The following SYT1 variants were observed in gnomAD, a reference collection of about 807,000 sequenced individuals.
SYT1 encodes synaptotagmin 1.
Under a neutral mutation model 44.8 loss-of-function variants are expected in SYT1, and 8 were observed. The observed-to-expected ratio is 0.18, with a 90% CI of 0.10 to 0.32. The LOEUF (loss-of-function observed/expected upper bound fraction) is 0.32, where lower values mean the gene tolerates loss of function less well. Ranked by LOEUF, SYT1 falls within the 10% of genes least tolerant of loss-of-function variation. The pLI is 1.00. For missense variants in SYT1, 286 were observed against 509.3 expected (o/e 0.56, Z 4.22); for synonymous variants, 154 against 188.8 (o/e 0.82, Z 1.51).
At chr12:78,928,179 A>G (rs922351925) in intron 1 of SYT1, among the ~76,000 whole-genome samples, 2 of 152,130 alleles carry the variant, frequency 1.3e-5, no homozygotes, top group African/African-American at 4.8e-5. Context: ...ACTTCATTTT[A>G]AAGTACAGTA....
At chr12:78,975,687 A>T (rs1868776773) in intron 1 of SYT1, among the ~76,000 whole-genome samples, 1 of 152,074 alleles carries the variant, frequency 6.6e-6, no homozygotes. Context: ...ATGGTTTTTA[A>T]TCTTTGCTAT....
chr12:78,981,552 T>A (rs1330382485), intron 2 of SYT1, among the ~76,000 whole-genome samples: 1 of 152,178 alleles, frequency 6.6e-6, no homozygotes, highest in Non-Finnish European at 1.5e-5. Context: ...TGCCAACTAA[T>A]GGAGTGAAGG....
At chr12:79,390,644 C>T (rs1884621707) in intron 9 of SYT1, among the ~76,000 whole-genome samples, 2 of 152,198 alleles carry the variant, frequency 1.3e-5, no homozygotes, top group African/African-American at 2.4e-5. Context: ...TCTATGCACA[C>T]ACATATTTCC....
intron 9 of SYT1, among the ~76,000 whole-genome samples, chr12:79,360,067 TC>T (rs2136022074): frequency 6.6e-6 from 1 of 152,302 alleles, no homozygotes; most frequent in East Asian, 1.9e-4. Context: ...AAACAGGTCC[TC>T]CCCGTCCATA....
At position 79,319,489 on chromosome 12, in the gene SYT1, C is replaced by G. The variant is rs149537799; in HGVS notation, c.810+19938C>G. Among the ~76,000 whole-genome samples, 120 of 152,298 alleles carry G rather than the reference C, an allele frequency of 7.9e-4. 1 individual carries two copies. Among genetic ancestry groups the G allele is most frequent in the African/African-American group, 2.7e-3 (114 of 41,570 alleles). On this transcript the variant is annotated intron_variant, in intron 8 of 10. Transcript: ENST00000261205. Reference sequence around the variant, plus strand: ...TCTTATCCATCATGTTAAATTTACTCTAACTTAGAAATAGGTCACAGGGCC... The same window carrying G: ...TCTTATCCATCATGTTAAATTTACTGTAACTTAGAAATAGGTCACAGGGCC...
chr12:78,934,425 T>C (rs1443562699), intron 1 of SYT1, among the ~76,000 whole-genome samples: 2 of 151,968 alleles, frequency 1.3e-5, no homozygotes, highest in East Asian at 3.9e-4. Flanking sequence ...TAGTCTCAGC[T>C]ACCCAGGAAG....
intron 2 of SYT1, among the ~76,000 whole-genome samples, chr12:78,987,678 G>A (rs958095825): frequency 2.6e-5 from 4 of 151,586 alleles, no homozygotes; most frequent in Non-Finnish European, 5.9e-5. Context: ...TTTACATTAG[G>A]GATATATAAA....
At chr12:79,229,402 A>G (rs2138610390) in intron 4 of SYT1, among the ~76,000 whole-genome samples, 1 of 152,200 alleles carries the variant, frequency 6.6e-6, no homozygotes, top group Non-Finnish European at 1.5e-5. Flanking sequence ...AGTATTACAT[A>G]GATACTTAAA....
At chr12:79,426,885 C>T (rs1869482813) in intron 9 of SYT1, among the ~76,000 whole-genome samples, 1 of 152,122 alleles carries the variant, frequency 6.6e-6, no homozygotes, top group Non-Finnish European at 1.5e-5. Context: ...GGAGTTTCCC[C>T]CATGCTGTCC....
intron 4 of SYT1, among the ~76,000 whole-genome samples, chr12:79,283,711 A>T (rs1186490321): frequency 6.6e-6 from 1 of 152,162 alleles, no homozygotes; most frequent in East Asian, 1.9e-4. Flanking sequence ...ATCATTGGTT[A>T]CATAAAATAA....
At chr12:79,291,723 C>A in intron 5 of SYT1, 1 of 509,874 alleles carries the variant, frequency 2.0e-6, no homozygotes, top group Non-Finnish European at 3.8e-6. Context: ...AATACAACAC[C>A]AAGTTGACAC....
intron 2 of SYT1, among the ~76,000 whole-genome samples, chr12:79,035,466 T>G (rs925464243): frequency 6.6e-6 from 1 of 151,766 alleles, no homozygotes; most frequent in African/African-American, 2.4e-5. Context: ...ATTATGTATC[T>G]GTTTTATCTC....
intron 3 of SYT1, among the ~76,000 whole-genome samples, chr12:79,116,553 G>A (rs896743720): frequency 3.3e-5 from 5 of 152,152 alleles, no homozygotes; most frequent in East Asian, 1.9e-4. Flanking sequence ...CATGCCCAAC[G>A]TGGGTGAACT....
At chr12:78,992,288 A>T (rs1463486788) in intron 2 of SYT1, among the ~76,000 whole-genome samples, 1 of 152,218 alleles carries the variant, frequency 6.6e-6, no homozygotes, top group East Asian at 1.9e-4. Flanking sequence ...GAGTCCTCAA[A>T]ACATTATCTC....
At chr12:78,922,284 A>C (rs533532728) in intron 1 of SYT1, among the ~76,000 whole-genome samples, 2 of 152,064 alleles carry the variant, frequency 1.3e-5, no homozygotes, top group South Asian at 4.1e-4. Flanking sequence ...CTCAATAAAT[A>C]TACAATGAAT....
intron 3 of SYT1, among the ~76,000 whole-genome samples, chr12:79,111,392 TAA>T (rs1184359286): frequency 6.6e-6 from 1 of 152,092 alleles, no homozygotes; most frequent in Non-Finnish European, 1.5e-5. Flanking sequence ...ACTTCAGGGC[TAA>T]GTTCTGCAAG....
intron 3 of SYT1, among the ~76,000 whole-genome samples, chr12:79,065,175 T>C (rs930106630): frequency 6.6e-6 from 1 of 151,828 alleles, no homozygotes; most frequent in African/African-American, 2.4e-5. Flanking sequence ...GAGTTTGAGA[T>C]CAGCCTGGGC....
At chr12:79,297,251 T>C (rs1360005908) in intron 7 of SYT1, among the ~76,000 whole-genome samples, 1 of 152,160 alleles carries the variant, frequency 6.6e-6, no homozygotes, top group Admixed American at 6.6e-5. Context: ...GGTTTTTCTG[T>C]ACCTAAGCAG....
chr12:79,393,962 A>G (rs1884771896), intron 9 of SYT1: 1 of 152,190 alleles, frequency 6.6e-6, no homozygotes, highest in Non-Finnish European at 1.5e-5. Flanking sequence ...TTTCATCAGT[A>G]TATACCCCTC....
Sources: gnomAD v4.1 joint callset for allele counts (sites outside exome capture counted in the v4.1 genomes callset) on GRCh38, gnomAD v4.1.1 for gene constraint, MANE v1.5 for transcripts, NCBI Gene and HGNC (gene_info 2026-07-23, HGNC 2026-07-21) for gene names.